EXOC1: variants seen among roughly 807,000 people sequenced by gnomAD.
EXOC1 encodes SEC3-like 1.
Under a neutral mutation model 107.7 loss-of-function variants are expected in EXOC1, and 67 were observed. The observed-to-expected ratio is 0.62, with a 90% CI of 0.51 to 0.76. EXOC1 has a LOEUF of 0.76. Among genes scored for constraint, EXOC1 ranks in the 30% least tolerant of loss-of-function variants. The probability of loss-of-function intolerance (pLI) is 0.00; values close to 1 mark genes in which losing one functional copy is unlikely to be tolerated. For missense variants in EXOC1, 833 were observed against 1,055.7 expected, an observed-to-expected ratio of 0.79 and a Z score of 2.92; for synonymous variants, 348 against 353.5, an observed-to-expected ratio of 0.98 and a Z score of 0.17.
chr4:55,868,137 T>G (rs1722119161), intron 4 of EXOC1, among the ~76,000 whole-genome samples, 199 bp from the exon 5 acceptor site: 1 of 152,228 alleles, frequency 6.6e-6, no homozygotes, highest in South Asian at 2.1e-4. Context: ...TTTATTTATT[T>G]TTTAGAACTT....
chr4:55,891,825 TAAAAG>T (rs1396691473), intron 13 of EXOC1, among the ~76,000 whole-genome samples: 1 of 152,100 alleles, frequency 6.6e-6, no homozygotes, highest in Non-Finnish European at 1.5e-5. Context: ...TAATGATAAA[TAAAAG>T]AAAATGAGGC....
chr4:55,882,384 A>G (rs935988564), intron 9 of EXOC1, among the ~76,000 whole-genome samples: 1 of 152,172 alleles, frequency 6.6e-6, no homozygotes, highest in African/African-American at 2.4e-5. Flanking sequence ...AGACACTGAT[A>G]CAGTAAAACC....
intron 10 of EXOC1, among the ~76,000 whole-genome samples, chr4:55,886,408 C>T (rs1169876071): frequency 6.6e-6 from 1 of 151,692 alleles, no homozygotes; most frequent in Non-Finnish European, 1.5e-5. Context: ...CAAAAATTAG[C>T]CAGGCATGGT....
intron 2 of EXOC1, among the ~76,000 whole-genome samples, chr4:55,859,004 A>G (rs1721235812): frequency 6.6e-6 from 1 of 152,176 alleles, no homozygotes; most frequent in Non-Finnish European, 1.5e-5. Context: ...CCTAAATTCA[A>G]AAGTTTTATA....
intron 18 of EXOC1, among the ~76,000 whole-genome samples, chr4:55,903,761 G>A (rs935747405): frequency 8.5e-5 from 13 of 152,060 alleles, no homozygotes; most frequent in African/African-American, 2.9e-4. Context: ...ATCACATTGT[G>A]TCTTGGTAAT....
At chr4:55,884,027 A>T in intron 10 of EXOC1, 99 bp downstream of exon 10, 1 of 824,766 alleles carries the variant, frequency 1.2e-6, no homozygotes, top group Non-Finnish European at 1.9e-6. Context: ...AGGTAGATCC[A>T]GCAGAATTTA....
At chr4:55,865,403 A>G (rs1474712942) in intron 4 of EXOC1, among the ~76,000 whole-genome samples, 3 of 152,190 alleles carry the variant, frequency 2.0e-5, no homozygotes, top group African/African-American at 7.2e-5. Context: ...AACAAGTCAC[A>G]TATGTCAGCC....
At chr4:55,883,091 A>G (rs1723561918) in intron 9 of EXOC1, 1 of 152,174 alleles carries the variant, frequency 6.6e-6, no homozygotes, top group Non-Finnish European at 1.5e-5. Context: ...GCGAGAATTA[A>G]TCAAATCTGT....
rs1391581487 is a variant in EXOC1, at chr4:55,891,780, TTAGAGTG to T, written c.1647+361_1647+367del. On this transcript the variant is annotated intron_variant, in intron 13 of 18. Coordinates refer to ENST00000381295, the MANE Select transcript of EXOC1 (RefSeq NM_001024924.2). The stretch of plus-strand genomic sequence containing the variant: ...ATAAATATAATGTTTTAAAATGATG[TTAGAGTG>T]TATACACTTTGGTATACCAAATAAC... Among the ~76,000 whole-genome samples the T allele has an allele frequency of 2.6e-5, 4 of 152,170 alleles. No individual in the cohort carries two copies. The East Asian group carries it at 5.8e-4, about 22-fold the overall frequency.
rs946801772 is a variant in EXOC1, at chr4:55,870,581, C to T, written c.604-97C>T. On this transcript the variant is annotated intron_variant, in intron 5 of 18. Transcript: ENST00000381295. ...TTATGCTACTTTCAAGGAAATTTAG[C>T]AACATTTCACCTTTATTCTTTTACA... is the stretch of plus-strand genomic sequence containing the variant. The T allele has an allele frequency of 5.3e-5, 62 of 1,177,666 alleles. No homozygotes were observed. The South Asian group carries it at 7.0e-4, about 13-fold the overall frequency. 73.0% of individuals were successfully genotyped at this position (1,177,666 alleles called of 1,614,324 possible).
intron 10 of EXOC1, among the ~76,000 whole-genome samples, chr4:55,888,601 A>T (rs1323824876): frequency 7.6e-6 from 1 of 131,338 alleles, no homozygotes; most frequent in African/African-American, 3.6e-5. Flanking sequence ...TAATAAACTT[A>T]AAAAAAAAAA....
chr4:55,879,194 A>G (rs1188045835), intron 9 of EXOC1, among the ~76,000 whole-genome samples: 2 of 152,222 alleles, frequency 1.3e-5, no homozygotes, highest in East Asian at 1.9e-4. Context: ...GCATTGAAGG[A>G]AACAGGCAAA....
Position 55,874,983 on chromosome 4 carries a change from CT to C in EXOC1, c.1075-2931del, listed in dbSNP as rs1722759640. Among the ~76,000 whole-genome samples, 3 of 152,246 alleles carry C rather than the reference CT, an allele frequency of 2.0e-5. No individual in the cohort carries two copies. The South Asian group carries it at 6.2e-4, about 32-fold the overall frequency. Reference sequence around the variant, plus strand: ...ACTACTCTCTGCCTTTTGTTTCCCCCTTTGGTTCTACAGAGACCTCATGATT... The same window carrying C: ...ACTACTCTCTGCCTTTTGTTTCCCCCTTGGTTCTACAGAGACCTCATGATT... On this transcript the variant is annotated intron_variant, in intron 8 of 18. Transcript: ENST00000381295.
At chr4:55,855,907 G>C (rs1376705048) in intron 1 of EXOC1, among the ~76,000 whole-genome samples, 4 of 152,114 alleles carry the variant, frequency 2.6e-5, no homozygotes, top group Non-Finnish European at 4.4e-5. Flanking sequence ...GGAGAGGTTG[G>C]GTGAAGGTGT....
At chr4:55,874,935 T>G (rs1180531778) in intron 8 of EXOC1, among the ~76,000 whole-genome samples, 1 of 152,168 alleles carries the variant, frequency 6.6e-6, no homozygotes, top group Non-Finnish European at 1.5e-5. Flanking sequence ...TTTTGGTTGT[T>G]TTTTGAAAGA....
chr4:55,870,584 C>G, intron 5 of EXOC1, 94 bp from the exon 6 acceptor site: 1 of 1,216,896 alleles, frequency 8.2e-7, no homozygotes, highest in African/African-American at 1.5e-5. Context: ...AATTTAGCAA[C>G]ATTTCACCTT....
At position 55,868,391 on chromosome 4, in the gene EXOC1, A is replaced by G. The variant is rs1327005919; in HGVS notation, c.471A>G (p.Val157=). The change falls in exon 5 of 19, where the codon GTA becomes GTG. Residue 157 remains valine, a synonymous_variant. Transcript: ENST00000381295. ...TGACAGGAGGTGATGAAGAAGTAGT[A>G]GATGAATACCAAGAGTTAAATGCAA... ...QSVTGGDEEV[V]DEYQELNARE... 6.2e-7 allele frequency: 1 copy of G among 1,613,878 alleles called. No homozygotes were observed. Among genetic ancestry groups the G allele is most frequent in the Admixed American group, 1.7e-5 (1 of 59,988 alleles).
At chr4:55,874,041 A>G (rs1015091320) in intron 8 of EXOC1, among the ~76,000 whole-genome samples, 1 of 152,194 alleles carries the variant, frequency 6.6e-6, no homozygotes, top group African/African-American at 2.4e-5. Flanking sequence ...ATAAATTGCT[A>G]ATTGTAGAAC....
chr4:55,879,335 GC>G (rs767822053), intron 9 of EXOC1, among the ~76,000 whole-genome samples: 12 of 152,170 alleles, frequency 7.9e-5, no homozygotes, highest in Non-Finnish European at 1.8e-4. Flanking sequence ...TGGGAGAAGG[GC>G]GTGGGATAAG....
Sources: allele counts gnomAD v4.1 joint callset (sites outside exome capture counted in the v4.1 genomes callset), GRCh38; gene constraint gnomAD v4.1.1; transcripts MANE v1.5; gene names NCBI Gene and HGNC (gene_info 2026-07-23, HGNC 2026-07-21).